Variants in GPATCH2L observed in about 807,000 individuals in gnomAD.
GPATCH2L encodes the protein G-patch domain containing 2 like, also known as G patch domain-containing protein 2-like.
Under a neutral mutation model 57.4 loss-of-function variants are expected in GPATCH2L, and 31 were observed. The observed-to-expected ratio is 0.54, with a 90% CI of 0.41 to 0.73. The LOEUF is 0.73. GPATCH2L is among the 30% of genes least tolerant of loss of function. The pLI, the probability that GPATCH2L is intolerant of heterozygous loss-of-function variation, is 0.00. For synonymous variants in GPATCH2L, 199 were observed against 210.7 expected, an observed-to-expected ratio of 0.94 and a Z score of 0.48; for missense variants, 481 against 599.9, an observed-to-expected ratio of 0.80 and a Z score of 2.07.
rs1376626458 is a variant in GPATCH2L, at chr14:76,180,789, C to G, written c.1133C>G (p.Ser378Cys). The change falls in exon 8 of 10, where the codon TCC (serine) becomes TGC (cysteine). Residue 378 changes from serine (S) to cysteine (C), a missense_variant. Physicochemically the swap from Ser to Cys is moderately radical, Grantham distance 112. Coordinates refer to ENST00000261530, the MANE Select transcript of GPATCH2L (RefSeq NM_017926.4). Reference sequence around the variant, plus strand: ...TTCAATCCCCTGTCTCCCCTTTACTCCCTGGATGTTCTTGCCGATGCTTCT... The same window carrying G: ...TTCAATCCCCTGTCTCCCCTTTACTGCCTGGATGTTCTTGCCGATGCTTCT... ...HEFNPLSPLY[S>C]LDVLADASHR... 6.2e-7 allele frequency: 1 copy of G among 1,612,972 alleles called. No homozygotes were observed. Among genetic ancestry groups the G allele is most frequent in the East Asian group, 2.2e-5 (1 of 44,866 alleles).
At chr14:76,185,909 T>C (rs1003359879) in intron 8 of GPATCH2L, among the ~76,000 whole-genome samples, 1 of 152,140 alleles carries the variant, frequency 6.6e-6, no homozygotes, top group Non-Finnish European at 1.5e-5. Context: ...TAGATATTAG[T>C]GTCAGGCAGA....
At chr14:76,177,120 A>G (rs906033661) in intron 6 of GPATCH2L, among the ~76,000 whole-genome samples, 2 of 152,144 alleles carry the variant, frequency 1.3e-5, no homozygotes, top group Non-Finnish European at 2.9e-5. Context: ...GTCATGGCTC[A>G]CTGCAACCTC....
chr14:76,181,317 C>T (rs1325126874), intron 8 of GPATCH2L, among the ~76,000 whole-genome samples: 1 of 152,178 alleles, frequency 6.6e-6, no homozygotes, highest in African/African-American at 2.4e-5. Flanking sequence ...GCACTTCTTC[C>T]CTTTGACTGG....
intron 5 of GPATCH2L, chr14:76,174,928 C>T (rs11850705): frequency 0.21 from 31,273 of 152,174 alleles, 3,565 homozygotes; most frequent in African/African-American, 0.3. Flanking sequence ...AGCCACCGTG[C>T]CCGGCCTCAA....
Position 76,201,898 on chromosome 14 carries a change from A to G in GPATCH2L, c.*47A>G. On this transcript the variant is annotated 3_prime_UTR_variant, in exon 10 of 10. Coordinates refer to ENST00000261530, the MANE Select transcript of GPATCH2L (RefSeq NM_017926.4). ...GGAGCTGACTGGGTGTTGCTGAAGC[A>G]AATGTTGGACTTTGTGTTAGATAGT... 7 of 1,551,130 alleles carry G rather than the reference A, an allele frequency of 4.5e-6. No individual in the cohort carries two copies. Among genetic ancestry groups the G allele is most frequent in the Non-Finnish European group, 6.2e-6 (7 of 1,133,606 alleles).
intron 2 of GPATCH2L, among the ~76,000 whole-genome samples, chr14:76,235,283 T>C (rs1490757555): frequency 2.0e-5 from 3 of 152,190 alleles, no homozygotes; most frequent in Non-Finnish European, 2.9e-5. Context: ...TCACCTTGAA[T>C]TGTAATACTT....
At chr14:76,217,466 G>T (rs1047767697), downstream of GPATCH2L, among the ~76,000 whole-genome samples, 1 of 151,924 alleles carries the variant, frequency 6.6e-6, no homozygotes, top group Non-Finnish European at 1.5e-5. Context: ...TTTGGTAGAA[G>T]GGAATGTAAA....
intron 2 of GPATCH2L, among the ~76,000 whole-genome samples, chr14:76,158,828 G>T (rs1190304754): frequency 6.6e-6 from 1 of 152,154 alleles, no homozygotes; most frequent in Admixed American, 6.5e-5. Context: ...TATCCTTAGG[G>T]ACAACTAAAA....
intron 3 of GPATCH2L, among the ~76,000 whole-genome samples, chr14:76,171,300 C>T (rs1342583368): frequency 2.0e-5 from 3 of 146,888 alleles, no homozygotes; most frequent in Admixed American, 6.8e-5. Context: ...AAAGACTGGG[C>T]GCGGTGGCTC....
At chr14:76,176,182 G>C (rs2039317441) in intron 5 of GPATCH2L, 1 of 154,044 alleles carries the variant, frequency 6.5e-6, no homozygotes, top group African/African-American at 2.4e-5. Flanking sequence ...CATTTTACCA[G>C]TGAGGATTTG....
At chr14:76,162,282 C>T (rs948950761) in intron 2 of GPATCH2L, among the ~76,000 whole-genome samples, 8 of 152,182 alleles carry the variant, frequency 5.3e-5, no homozygotes, top group African/African-American at 1.4e-4. Context: ...AGTCTCAGTC[C>T]CTTTTCACAT....
rs1403451151 is a variant in GPATCH2L, at chr14:76,202,740, T to C, written c.*889T>C. ...TTCATACTCTATTATAATAATGGCTTCTTGGGGCCATGCTTTGGGGAAGTA... is the reference window on the plus strand; with the variant it reads ...TTCATACTCTATTATAATAATGGCTCCTTGGGGCCATGCTTTGGGGAAGTA... On this transcript the variant is annotated 3_prime_UTR_variant, in exon 10 of 10. Transcript: ENST00000261530. The C allele has an allele frequency of 6.5e-6, 1 of 152,674 alleles. No homozygotes were observed. Among genetic ancestry groups the C allele is most frequent in the African/African-American group, 2.4e-5 (1 of 41,460 alleles). The allele number at this position is 152,674 out of a possible 1,614,324, so 9.5% of individuals were successfully genotyped here. A position where few individuals can be genotyped will look rare whatever the true frequency, so the allele number is the denominator to read the frequency against.
rs554835793 is a variant in GPATCH2L at position 76,171,870 on chromosome 14, A to G, written c.755A>G (p.Tyr252Cys). 1.2e-4 allele frequency: 192 copies of G among 1,602,954 alleles called. 3 individuals carry two copies. In the South Asian group the frequency reaches 1.9e-3, roughly 16 times the overall value. The change falls in exon 4 of 10, where the codon TAT (tyrosine) becomes TGT (cysteine). Residue 252 changes from tyrosine to cysteine, a missense_variant. This residue lies in a region of GPATCH2L where 25 missense variants were observed against 56.9 expected (regional missense o/e 0.44). Coordinates refer to ENST00000261530, the MANE Select transcript of GPATCH2L (RefSeq NM_017926.4). The part of the protein sequence containing the change: ...QGDDEQSDWF[Y>C]EGECVPGFTV... ...GATGACGAACAGAGTGATTGGTTCT[A>G]TGAAGGAGAATGTGTCCCAGGATTC...
intron 7 of GPATCH2L, chr14:76,178,319 G>GCTCTACCTTCTGCTCC: frequency 7.7e-7 from 1 of 1,300,326 alleles, no homozygotes; most frequent in Non-Finnish European, 1.0e-6. Context: ...GTATGGAGCA[G>GCTCTACCTTCTGCTCC]AAGGTAGAGC....
intron 2 of GPATCH2L, among the ~76,000 whole-genome samples, chr14:76,231,700 T>A (rs2040562934): frequency 6.6e-6 from 1 of 151,760 alleles, no homozygotes; most frequent in East Asian, 1.9e-4. Context: ...TGTAGACCAT[T>A]TGAAAAATAT....
intron 1 of GPATCH2L, among the ~76,000 whole-genome samples, chr14:76,224,219 T>C (rs1030461314): frequency 6.6e-6 from 1 of 152,190 alleles, no homozygotes; most frequent in African/African-American, 2.4e-5. Flanking sequence ...AGTAGATTAG[T>C]AGCTGCCAAT....
At chr14:76,182,667 G>A (rs1341602952) in intron 8 of GPATCH2L, among the ~76,000 whole-genome samples, 2 of 151,674 alleles carry the variant, frequency 1.3e-5, no homozygotes, top group Non-Finnish European at 2.9e-5. Context: ...CTTTCCTTCA[G>A]TAGCATGATG....
chr14:76,232,421 T>A (rs139300382), intron 2 of GPATCH2L, among the ~76,000 whole-genome samples: 30 of 152,278 alleles, frequency 2.0e-4, no homozygotes, highest in African/African-American at 7.2e-4. Context: ...TGCCTCAGCC[T>A]CCTGAGTAGT....
chr14:76,163,978 G>A (rs543035374), intron 2 of GPATCH2L, among the ~76,000 whole-genome samples: 5 of 152,226 alleles, frequency 3.3e-5, no homozygotes, highest in African/African-American at 1.2e-4. Flanking sequence ...TTTCTGCCCC[G>A]GTTAGGCAAG....
Sources: allele counts gnomAD v4.1 joint callset (sites outside exome capture counted in the v4.1 genomes callset), GRCh38; gene constraint gnomAD v4.1.1; regional missense constraint gnomAD v4.1.1; transcripts MANE v1.5; gene names NCBI Gene and HGNC (gene_info 2026-07-23, HGNC 2026-07-21).